GRM7: variants seen among roughly 807,000 people sequenced by gnomAD.
GRM7 encodes glutamate metabotropic receptor 7.
Under a neutral mutation model 84.5 loss-of-function variants are expected in GRM7, and 35 were observed. That is an observed-to-expected ratio of 0.41 (90% CI 0.32 to 0.55). The LOEUF (loss-of-function observed/expected upper bound fraction) is 0.55, where lower values mean the gene tolerates loss of function less well. Among genes scored for constraint, GRM7 ranks in the 20% least tolerant of loss-of-function variants. The pLI is 0.19. For synonymous variants in GRM7, 487 were observed against 455.1 expected, an observed-to-expected ratio of 1.07 and a Z score of -0.89; for missense variants, 1,003 against 1,194.6, an observed-to-expected ratio of 0.84 and a Z score of 2.36.
intron 1 of GRM7, among the ~76,000 whole-genome samples, chr3:7,142,281 TGTA>T (rs1417925080): frequency 3.9e-5 from 6 of 152,038 alleles, no homozygotes; most frequent in African/African-American, 1.2e-4. Flanking sequence ...ACTATATATG[TGTA>T]GTAGTCTGCT....
At chr3:7,020,795 C>A (rs538776735) in intron 1 of GRM7, among the ~76,000 whole-genome samples, 1 of 152,186 alleles carries the variant, frequency 6.6e-6, no homozygotes, top group Non-Finnish European at 1.5e-5. Flanking sequence ...ATGCACAATC[C>A]TCTACTTACT....
intron 2 of GRM7, among the ~76,000 whole-genome samples, chr3:7,208,148 C>G (rs1375745132): frequency 6.6e-6 from 1 of 152,120 alleles, no homozygotes; most frequent in African/African-American, 2.4e-5. Flanking sequence ...TTTCAGCCAC[C>G]CATTCGATAC....
At chr3:7,728,658 A>G (rs1575676041) in intron 9 of GRM7, among the ~76,000 whole-genome samples, 1 of 152,192 alleles carries the variant, frequency 6.6e-6, no homozygotes, top group East Asian at 1.9e-4. Flanking sequence ...CAAGGCTCTT[A>G]TGGAACATGT....
rs1159291127 is a variant in GRM7 at position 7,541,144 on chromosome 3, A to G, written c.1516-37278A>G. On this transcript the variant is annotated intron_variant, in intron 7 of 9. Coordinates refer to ENST00000357716, the MANE Select transcript of GRM7 (RefSeq NM_000844.4). ...TAAATTAAGTGTAAATATGCTAGAG[A>G]TCAACCTTTATCATGCTTCATTTCA... is the stretch of plus-strand genomic sequence containing the variant. Among the ~76,000 whole-genome samples the G allele has an allele frequency of 2.0e-5, 3 of 152,274 alleles. No homozygotes were observed. In the East Asian group the frequency reaches 5.8e-4, roughly 29 times the overall value.
At chr3:7,242,129 G>A (rs189074056) in intron 2 of GRM7, among the ~76,000 whole-genome samples, 1 of 152,098 alleles carries the variant, frequency 6.6e-6, no homozygotes, top group Non-Finnish European at 1.5e-5. Context: ...ATTCCCTGCA[G>A]GATATATCTA....
intron 1 of GRM7, among the ~76,000 whole-genome samples, chr3:7,099,284 TTATACATGTATATATGTAC>T (rs1424042377): frequency 6.8e-6 from 1 of 147,004 alleles, no homozygotes; most frequent in Non-Finnish European, 1.5e-5. Flanking sequence ...AATACATGTA[TTATACATGTATATATGTAC>T]ACATGTATTA....
chr3:7,091,285 G>A (rs943896689), intron 1 of GRM7, among the ~76,000 whole-genome samples: 1 of 151,786 alleles, frequency 6.6e-6, no homozygotes, highest in African/African-American at 2.4e-5. Flanking sequence ...GATAACTAAA[G>A]GCCTTCTTCT....
At chr3:7,179,502 C>T (rs1198794804) in intron 2 of GRM7, among the ~76,000 whole-genome samples, 1 of 152,212 alleles carries the variant, frequency 6.6e-6, no homozygotes, top group Non-Finnish European at 1.5e-5. Context: ...TGCTTTTCTA[C>T]TCTATATTTT....
intron 2 of GRM7, among the ~76,000 whole-genome samples, chr3:7,229,720 C>CATATATATAT (rs1304811132): frequency 3.5e-4 from 5 of 14,248 alleles, no homozygotes; most frequent in Non-Finnish European, 4.4e-4. Context: ...TCTCCATAGA[C>CATATATATAT]ACACACATAT....
intron 4 of GRM7, among the ~76,000 whole-genome samples, chr3:7,307,458 T>G (rs1700233690): frequency 1.3e-5 from 2 of 152,352 alleles, no homozygotes; most frequent in South Asian, 4.1e-4. Flanking sequence ...AAAAGAACTC[T>G]ATCCTCTCAC....
At chr3:7,553,110 G>C (rs887580512) in intron 7 of GRM7, among the ~76,000 whole-genome samples, 1 of 152,012 alleles carries the variant, frequency 6.6e-6, no homozygotes, top group South Asian at 2.1e-4. Flanking sequence ...TTCTTCTTCC[G>C]GATACTCTAA....
chr3:7,144,386 C>T (rs1425399280), intron 1 of GRM7, among the ~76,000 whole-genome samples: 3 of 152,080 alleles, frequency 2.0e-5, no homozygotes. Flanking sequence ...ACTTTTAGAA[C>T]ATGACTGGTA....
At chr3:7,579,885 C>G (rs9826451) in intron 8 of GRM7, among the ~76,000 whole-genome samples, 6,710 of 152,128 alleles carry the variant, frequency 0.044, 387 homozygotes, top group African/African-American at 0.13. Flanking sequence ...CAATATATAC[C>G]CAGGTGGGTG....
intron 1 of GRM7, among the ~76,000 whole-genome samples, chr3:7,026,529 A>AATT (rs1215834834): frequency 6.6e-6 from 1 of 152,190 alleles, no homozygotes; most frequent in Non-Finnish European, 1.5e-5. Context: ...AAGAGGATTA[A>AATT]ATTTGCCTTT....
intron 1 of GRM7, among the ~76,000 whole-genome samples, chr3:6,868,921 T>C: frequency 6.6e-6 from 1 of 152,128 alleles, no homozygotes; most frequent in African/African-American, 2.4e-5. Context: ...TGTGCTTTTG[T>C]CATTCCACGG....
chr3:7,168,043 A>G (rs1182929846), intron 2 of GRM7, among the ~76,000 whole-genome samples: 1 of 150,410 alleles, frequency 6.6e-6, no homozygotes, highest in Non-Finnish European at 1.5e-5. Context: ...GTCCCAATTA[A>G]AGTCTGAGAC....
At chr3:7,523,941 G>T (rs923692830) in intron 7 of GRM7, among the ~76,000 whole-genome samples, 4 of 152,046 alleles carry the variant, frequency 2.6e-5, no homozygotes, top group African/African-American at 9.7e-5. Flanking sequence ...GGGTTTTGTT[G>T]TTAATGCTTT....
intron 5 of GRM7, among the ~76,000 whole-genome samples, chr3:7,435,043 T>C (rs1696985947): frequency 6.6e-6 from 1 of 152,184 alleles, no homozygotes; most frequent in South Asian, 2.1e-4. Context: ...CTCTTAAATT[T>C]TTTTTCATTT....
intron 2 of GRM7, among the ~76,000 whole-genome samples, chr3:7,172,185 C>A (rs1418055637): frequency 6.6e-6 from 1 of 151,994 alleles, no homozygotes; most frequent in Non-Finnish European, 1.5e-5. Context: ...TATGAGATGC[C>A]CTCTGGGGTT....
Sources: gnomAD v4.1 joint callset for allele counts (sites outside exome capture counted in the v4.1 genomes callset) on GRCh38, gnomAD v4.1.1 for gene constraint, MANE v1.5 for transcripts, NCBI Gene and HGNC (gene_info 2026-07-23, HGNC 2026-07-21) for gene names.